Variants in TCF7L2 observed in about 807,000 individuals in gnomAD.
The protein encoded by TCF7L2 is transcription factor 7-like 2.
Under a neutral mutation model 77.9 loss-of-function variants are expected in TCF7L2, and 23 were observed. The observed-to-expected ratio is 0.30, with a 90% CI of 0.21 to 0.42. TCF7L2 has a LOEUF of 0.42. TCF7L2 is among the 10% of genes least tolerant of loss of function. TCF7L2 has a pLI of 1.00. For missense variants in TCF7L2, 654 were observed against 793.1 expected (o/e 0.82, Z 2.11); for synonymous variants, 413 against 340.2 (o/e 1.21, Z -2.36).
chr10:113,015,633 T>C (rs929500034), intron 4 of TCF7L2, among the ~76,000 whole-genome samples: 1 of 151,912 alleles, frequency 6.6e-6, no homozygotes, highest in African/African-American at 2.4e-5. Flanking sequence ...GCGCCACCAC[T>C]CCTGGCTAAT....
intron 11 of TCF7L2, among the ~76,000 whole-genome samples, chr10:113,157,472 TC>T (rs2072179046): frequency 6.6e-6 from 1 of 152,202 alleles, no homozygotes. Flanking sequence ...TTCACCCTTT[TC>T]CCCTGCATCT....
At chr10:112,978,534 C>T (rs752856582) in intron 4 of TCF7L2, among the ~76,000 whole-genome samples, 3 of 150,828 alleles carry the variant, frequency 2.0e-5, no homozygotes, top group South Asian at 2.1e-4. Context: ...GGTGCGATCT[C>T]GGCTCAGTGC....
intron 5 of TCF7L2, among the ~76,000 whole-genome samples, chr10:113,136,429 G>C (rs1229373532): frequency 6.6e-6 from 1 of 152,216 alleles, no homozygotes; most frequent in East Asian, 1.9e-4. Flanking sequence ...ATATATGAGT[G>C]TTTGCTGTTT....
intron 11 of TCF7L2, among the ~76,000 whole-genome samples, chr10:113,154,930 A>G (rs1187528551): frequency 6.6e-6 from 1 of 150,486 alleles, no homozygotes; most frequent in Non-Finnish European, 1.5e-5. Flanking sequence ...GGGACTAAGA[A>G]CCGCAGCACT....
chr10:113,021,052 G>C (rs749008908), intron 4 of TCF7L2, among the ~76,000 whole-genome samples: 1 of 152,060 alleles, frequency 6.6e-6, no homozygotes, highest in Non-Finnish European at 1.5e-5. Context: ...CATAATGCCC[G>C]GCAAAGTGCT....
chr10:113,048,031 G>C (rs547836724), intron 5 of TCF7L2, among the ~76,000 whole-genome samples: 1 of 152,250 alleles, frequency 6.6e-6, no homozygotes, highest in South Asian at 2.1e-4. Flanking sequence ...GTTTCTTTAG[G>C]GCAGGATCTT....
chr10:113,105,519 C>G (rs1395488182), intron 5 of TCF7L2, among the ~76,000 whole-genome samples: 1 of 152,108 alleles, frequency 6.6e-6, no homozygotes, highest in Admixed American at 6.6e-5. Flanking sequence ...TGGGAGTTAC[C>G]GTGGCTATTG....
chr10:113,089,260 G>A, intron 5 of TCF7L2: 1 of 975,602 alleles, frequency 1.0e-6, no homozygotes, highest in East Asian at 2.7e-5. Flanking sequence ...TTTGTGCTGG[G>A]AACTGTAATC....
rs370713981 is a variant in TCF7L2, at chr10:113,158,887, GT to G, written c.1318+830del. Among the ~76,000 whole-genome samples the G allele has an allele frequency of 7.6e-3, 979 of 128,782 alleles. 10 individuals are homozygous for G. Among genetic ancestry groups the G allele is most frequent in the African/African-American group, 0.022 (769 of 35,508 alleles). 84.5% of individuals were successfully genotyped at this position (128,782 alleles called of 152,430 possible). A position where few individuals can be genotyped will look rare whatever the true frequency, so the allele number is the denominator to read the frequency against. ...TAGATTTTTTTTTTCAGTTGCTTCT[GT>G]TTTTTTTTTTTAATTTAACCTTTGT... is the stretch of plus-strand genomic sequence containing the variant. On this transcript the variant is annotated intron_variant, in intron 12 of 13. Transcript: ENST00000627217.
chr10:113,096,832 C>T (rs2061029242), intron 5 of TCF7L2, among the ~76,000 whole-genome samples: 1 of 152,070 alleles, frequency 6.6e-6, no homozygotes, highest in African/African-American at 2.4e-5. Context: ...AAAGCCAGCT[C>T]CCTCCAGAGG....
At chr10:112,971,185 G>T (rs966229852) in intron 4 of TCF7L2, among the ~76,000 whole-genome samples, 2 of 152,138 alleles carry the variant, frequency 1.3e-5, no homozygotes, top group South Asian at 4.1e-4. Context: ...AAATTCTAGT[G>T]ATATTTTAAT....
At chr10:113,023,321 C>T (rs935759077) in intron 4 of TCF7L2, among the ~76,000 whole-genome samples, 9 of 152,152 alleles carry the variant, frequency 5.9e-5, no homozygotes, top group South Asian at 2.1e-4. Context: ...CCAGTTTTAC[C>T]GCAGCAAGAC....
At chr10:113,068,912 T>A (rs892679134) in intron 5 of TCF7L2, among the ~76,000 whole-genome samples, 41 of 150,958 alleles carry the variant, frequency 2.7e-4, no homozygotes, top group Admixed American at 2.3e-3. Flanking sequence ...TTTTTTTTTT[T>A]AATTTCCCAA....
At chr10:112,977,881 C>T (rs1040551796) in intron 4 of TCF7L2, among the ~76,000 whole-genome samples, 2 of 152,134 alleles carry the variant, frequency 1.3e-5, no homozygotes, top group Non-Finnish European at 2.9e-5. Flanking sequence ...TGTCGGGGAG[C>T]AGCGCTGTGT....
intron 5 of TCF7L2, among the ~76,000 whole-genome samples, chr10:113,049,604 C>T (rs1224020113): frequency 6.6e-6 from 1 of 152,094 alleles, no homozygotes; most frequent in Non-Finnish European, 1.5e-5. Context: ...TTGTAACAGC[C>T]TATCATCTAT....
In TCF7L2 at chr10:113,056,964, A is replaced by G. The variant is rs186677003; in HGVS notation, c.552+16838A>G. ...TGCGTTTTCCAGGAAGCGTGCAGAA[A>G]TAGGAGGCCAGTACTGAAATGCTAT... On this transcript the variant is annotated intron_variant, in intron 5 of 13. Coordinates refer to ENST00000627217, the MANE Select transcript of TCF7L2 (RefSeq NM_001146274.2). Among the ~76,000 whole-genome samples the G allele has an allele frequency of 3.3e-5, 5 of 152,316 alleles. No individual in the cohort carries two copies. In the East Asian group the frequency reaches 9.7e-4, roughly 29 times the overall value.
At chr10:113,076,979 A>G (rs772831276) in intron 5 of TCF7L2, among the ~76,000 whole-genome samples, 36 of 152,200 alleles carry the variant, frequency 2.4e-4, no homozygotes, top group African/African-American at 1.7e-4. Flanking sequence ...CCATTTTTCA[A>G]TGCCTTTTGT....
intron 4 of TCF7L2, among the ~76,000 whole-genome samples, 188 bp downstream of exon 4, chr10:112,964,812 T>TGGTGGTGGTG (rs1564719427): frequency 5.2e-5 from 2 of 38,282 alleles, no homozygotes; most frequent in Admixed American, 3.3e-4. Flanking sequence ...GTGGTGGTGG[T>TGGTGGTGGTG]GGGGGGGGGT....
intron 11 of TCF7L2, 32 bp from the exon 12 acceptor site, chr10:113,157,989 A>G: frequency 6.4e-7 from 1 of 1,565,604 alleles, no homozygotes; most frequent in Non-Finnish European, 8.7e-7. Flanking sequence ...TGTTTCTTGC[A>G]GTAATTCCCT....
Sources: gnomAD v4.1 joint callset for allele counts (sites outside exome capture counted in the v4.1 genomes callset) on GRCh38, gnomAD v4.1.1 for gene constraint, MANE v1.5 for transcripts, NCBI Gene and HGNC (gene_info 2026-07-23, HGNC 2026-07-21) for gene names.